The following HMCN1 variants were observed in gnomAD, a reference collection of about 807,000 sequenced individuals.
HMCN1 encodes the protein hemicentin-1.
A neutral mutation model predicts 625.9 loss-of-function variants in HMCN1; 321 were observed. The ratio of observed to expected loss-of-function variants is 0.51; its 90% confidence interval spans 0.47 to 0.56. The LOEUF is 0.56. Among genes scored for constraint, HMCN1 ranks in the 20% least tolerant of loss-of-function variants. The probability of loss-of-function intolerance (pLI) is 0.00; values close to 1 mark genes in which losing one functional copy is unlikely to be tolerated. For synonymous variants in HMCN1, 2,425 were observed against 2,417.6 expected, an observed-to-expected ratio of 1.00 and a Z score of -0.09; for missense variants, 6,588 against 6,887.3, an observed-to-expected ratio of 0.96 and a Z score of 1.54.
chr1:186,094,177 A>G (rs180914019), intron 66 of HMCN1, 99 bp from the exon 67 acceptor site: 54 of 964,652 alleles, frequency 5.6e-5, no homozygotes, highest in Non-Finnish European at 3.0e-5. Flanking sequence ...ATTTCCCAAC[A>G]TAAATCACCA....
At chr1:186,043,311 C>CA (rs1656331784) in intron 40 of HMCN1, among the ~76,000 whole-genome samples, 1 of 151,368 alleles carries the variant, frequency 6.6e-6, no homozygotes, top group African/African-American at 2.4e-5. Flanking sequence ...TCAGACTAAA[C>CA]AAAAAGTTGG....
intron 1 of HMCN1, among the ~76,000 whole-genome samples, chr1:185,761,395 G>T (rs1433564965): frequency 6.6e-6 from 1 of 152,050 alleles, no homozygotes; most frequent in Non-Finnish European, 1.5e-5. Flanking sequence ...GACCCTACCT[G>T]CCCATCCCAT....
rs1383416699 is a variant in HMCN1, at chr1:186,151,281, T to A, written c.14690T>A (p.Ile4897Lys). 6.2e-7 allele frequency: 1 copy of A among 1,613,358 alleles called. No homozygotes were observed. The highest frequency in any genetic ancestry group is 1.7e-5 in the Admixed American group (1 of 60,006). The change falls in exon 94 of 107, where the codon ATA becomes AAA. Residue 4897 changes from isoleucine (I) to lysine (K), a missense_variant. This residue lies in a region of HMCN1 where 1,954 missense variants were observed against 2,013.1 expected (regional missense o/e 0.97). Coordinates refer to ENST00000271588, the MANE Select transcript of HMCN1 (RefSeq NM_031935.3). ...EFGIAFLNATITDSPNSDTRI... is the reference protein window; with the variant it reads ...EFGIAFLNATKTDSPNSDTRI... ...GGAATTGCTTTCCTTAATGCCACAATAACTGATAGCCCTAACTCTGATACT... is the reference window on the plus strand; with the variant it reads ...GGAATTGCTTTCCTTAATGCCACAAAAACTGATAGCCCTAACTCTGATACT...
intron 1 of HMCN1, among the ~76,000 whole-genome samples, chr1:185,798,331 A>G (rs1387746036): frequency 6.6e-6 from 1 of 152,186 alleles, no homozygotes; most frequent in African/African-American, 2.4e-5. Context: ...TGCTGACTTT[A>G]GGCTGATGAT....
At chr1:186,135,916 AAT>A (rs1478754543) in intron 86 of HMCN1, among the ~76,000 whole-genome samples, 2 of 152,240 alleles carry the variant, frequency 1.3e-5, no homozygotes, top group East Asian at 3.8e-4. Context: ...GACTAGAAAG[AAT>A]ATCTTTTCTC....
intron 11 of HMCN1, among the ~76,000 whole-genome samples, chr1:185,939,521 G>A (rs1667981520): frequency 6.6e-6 from 1 of 152,080 alleles, no homozygotes; most frequent in South Asian, 2.1e-4. Flanking sequence ...TTGACTTGTA[G>A]TTTTTTTGTT....
At position 185,977,965 on chromosome 1, in the gene HMCN1, A is replaced by C; in HGVS notation, c.2550A>C (p.Gly850=). Residue 850 remains glycine (G), a synonymous_variant, in exon 16 of 107, where the codon GGA becomes GGC. Transcript: ENST00000271588. Reference sequence around the variant, plus strand: ...GTTCCATCAGCCAACTAAGAACAGGAGCTCTCTTTATTTTAAGTAGGTTGA... The same window carrying C: ...GTTCCATCAGCCAACTAAGAACAGGCGCTCTCTTTATTTTAAGTAGGTTGA... The part of the protein sequence containing the change: ...SVSSISQLRT[G]ALFILNLWAS... 1 of 1,611,536 alleles carries C rather than the reference A, an allele frequency of 6.2e-7. No homozygotes were observed. The highest frequency in any genetic ancestry group is 8.5e-7 in the Non-Finnish European group (1 of 1,177,936).
At chr1:185,985,419 T>G (rs1651941670) in intron 19 of HMCN1, among the ~76,000 whole-genome samples, 1 of 152,142 alleles carries the variant, frequency 6.6e-6, no homozygotes, top group African/African-American at 2.4e-5. Context: ...TCTCTTTGAC[T>G]TCTAGTGACT....
chr1:186,050,516 T>C (rs760198404), intron 42 of HMCN1, among the ~76,000 whole-genome samples: 5 of 151,940 alleles, frequency 3.3e-5, no homozygotes, highest in Admixed American at 6.6e-5. Flanking sequence ...AAATGTGCCA[T>C]GGAAACTAAC....
At chr1:186,163,694 C>T (rs2102614057) in intron 97 of HMCN1, among the ~76,000 whole-genome samples, 1 of 152,292 alleles carries the variant, frequency 6.6e-6, no homozygotes, top group South Asian at 2.1e-4. Flanking sequence ...CAGACACATT[C>T]AAAGCTTAGA....
At chr1:186,003,669 C>T (rs2102075150) in intron 28 of HMCN1, 49 bp from the exon 29 acceptor site, 1 of 1,601,220 alleles carries the variant, frequency 6.2e-7, no homozygotes. Context: ...CCCATGCCTG[C>T]TCTTTTTGCT....
At chr1:186,053,768 G>C in intron 43 of HMCN1, 57 bp from the exon 44 acceptor site, 1 of 1,555,492 alleles carries the variant, frequency 6.4e-7, no homozygotes, top group Non-Finnish European at 8.9e-7. Flanking sequence ...ACTTGGCAAT[G>C]TATACAAAAT....
chr1:185,993,488 T>G (rs1652577244), intron 23 of HMCN1, 179 bp downstream of exon 23: 1 of 614,152 alleles, frequency 1.6e-6, no homozygotes, highest in South Asian at 1.9e-5. Context: ...TTCCTGCTAT[T>G]TATAAACAAT....
At chr1:185,756,589 A>ATAAATAT (rs1383290183) in intron 1 of HMCN1, among the ~76,000 whole-genome samples, 1 of 152,186 alleles carries the variant, frequency 6.6e-6, no homozygotes, top group East Asian at 1.9e-4. Flanking sequence ...CAAGTGACCA[A>ATAAATAT]TAAATATTAA....
chr1:186,168,917 C>T (rs1485352397), intron 100 of HMCN1, among the ~76,000 whole-genome samples: 1 of 152,102 alleles, frequency 6.6e-6, no homozygotes, highest in Non-Finnish European at 1.5e-5. Context: ...TCCCCTAACC[C>T]CCGCCCAATC....
chr1:186,176,346 T>C (rs1052501616), intron 103 of HMCN1, among the ~76,000 whole-genome samples: 2 of 152,194 alleles, frequency 1.3e-5, no homozygotes, highest in African/African-American at 4.8e-5. Flanking sequence ...AAACTTATAA[T>C]GGTATGGAAG....
chr1:185,991,567 T>A (rs1652425233), intron 22 of HMCN1, among the ~76,000 whole-genome samples: 1 of 152,192 alleles, frequency 6.6e-6, no homozygotes, highest in Non-Finnish European at 1.5e-5. Flanking sequence ...TATTATTATT[T>A]TGTTACTTGC....
At chr1:185,835,716 A>T (rs1661125410) in intron 1 of HMCN1, among the ~76,000 whole-genome samples, 1 of 152,192 alleles carries the variant, frequency 6.6e-6, no homozygotes, top group South Asian at 2.1e-4. Context: ...ATTTACAATT[A>T]TATTGGATAT....
chr1:185,856,614 G>T (rs929099114), intron 2 of HMCN1, among the ~76,000 whole-genome samples: 2 of 152,064 alleles, frequency 1.3e-5, no homozygotes, highest in African/African-American at 2.4e-5. Context: ...CTGTGAAAAG[G>T]ATGTAGTCTG....
Sources: allele counts gnomAD v4.1 joint callset (sites outside exome capture counted in the v4.1 genomes callset), GRCh38; gene constraint gnomAD v4.1.1; regional missense constraint gnomAD v4.1.1; transcripts MANE v1.5; gene names NCBI Gene and HGNC (gene_info 2026-07-23, HGNC 2026-07-21).